The following TENM2 variants were observed in gnomAD, a reference collection of about 807,000 sequenced individuals.
TENM2 encodes teneurin transmembrane protein 2, also known as teneurin-2.
Under a neutral mutation model 245.2 loss-of-function variants are expected in TENM2, and 52 were observed. The observed-to-expected ratio is 0.21, with a 90% CI of 0.17 to 0.27. TENM2 has a LOEUF of 0.27. TENM2 is among the 10% of genes least tolerant of loss of function. The pLI is 1.00. For missense variants in TENM2, 3,046 were observed against 3,666.8 expected (o/e 0.83, Z 4.37); for synonymous variants, 1,363 against 1,438.9 (o/e 0.95, Z 1.19).
At chr5:167,466,219 G>A (rs1254019759) in intron 2 of TENM2, among the ~76,000 whole-genome samples, 2 of 152,174 alleles carry the variant, frequency 1.3e-5, no homozygotes, top group African/African-American at 4.8e-5. Flanking sequence ...TCAATGTCCA[G>A]AGATAGCTGA....
At chr5:167,470,608 T>C (rs892386116) in intron 2 of TENM2, among the ~76,000 whole-genome samples, 4 of 152,114 alleles carry the variant, frequency 2.6e-5, no homozygotes, top group Middle Eastern at 3.4e-3. Flanking sequence ...AATAATATTT[T>C]CTCACTAATC....
chr5:167,950,662 G>A (rs1780013911), intron 3 of TENM2, among the ~76,000 whole-genome samples: 1 of 152,048 alleles, frequency 6.6e-6, no homozygotes, highest in Non-Finnish European at 1.5e-5. Context: ...CATGTGTGAG[G>A]GGCTTGGATA....
intron 2 of TENM2, among the ~76,000 whole-genome samples, chr5:167,600,841 G>A (rs1039248585): frequency 6.6e-6 from 1 of 152,184 alleles, no homozygotes; most frequent in Non-Finnish European, 1.5e-5. Context: ...GTTTTTCCTA[G>A]ACAGATGAGA....
chr5:167,989,863 C>A (rs978099916), intron 4 of TENM2, among the ~76,000 whole-genome samples: 1 of 152,050 alleles, frequency 6.6e-6, no homozygotes, highest in Non-Finnish European at 1.5e-5. Flanking sequence ...GTGACTTGTT[C>A]CAGACAGCTG....
chr5:167,223,146 A>T, the TENM2 span, among the ~76,000 whole-genome samples: 1 of 152,152 alleles, frequency 6.6e-6, no homozygotes, highest in Non-Finnish European at 1.5e-5. Flanking sequence ...AAGAGTGTCC[A>T]TCACCCAAGT....
At chr5:167,998,997 A>C (rs1359384602) in intron 5 of TENM2, among the ~76,000 whole-genome samples, 2 of 152,208 alleles carry the variant, frequency 1.3e-5, no homozygotes, top group African/African-American at 4.8e-5. Flanking sequence ...CTCTGCTGCT[A>C]TTTTGTGTAT....
chr5:167,460,647 AC>A (rs2127492016), intron 2 of TENM2, among the ~76,000 whole-genome samples: 1 of 151,624 alleles, frequency 6.6e-6, no homozygotes, highest in South Asian at 2.1e-4. Flanking sequence ...ACAGACAACC[AC>A]AGTTCATTGG....
At chr5:168,005,370 G>A (rs528220240) in intron 5 of TENM2, among the ~76,000 whole-genome samples, 2 of 152,260 alleles carry the variant, frequency 1.3e-5, no homozygotes, top group South Asian at 4.1e-4. Flanking sequence ...GAGATCACAC[G>A]AAAGCCAAGT....
chr5:167,449,948 A>G (rs1765477205), intron 2 of TENM2, among the ~76,000 whole-genome samples: 1 of 152,168 alleles, frequency 6.6e-6, no homozygotes, highest in African/African-American at 2.4e-5. Context: ...ACCAGGGTGA[A>G]ACTCTGACTC....
chr5:167,080,390 T>C, the TENM2 span, among the ~76,000 whole-genome samples: 405 of 152,298 alleles, frequency 2.7e-3, 1 homozygote, highest in African/African-American at 9.2e-3. Flanking sequence ...GAACCTGTTA[T>C]TATACATTTA....
intron 2 of TENM2, among the ~76,000 whole-genome samples, chr5:167,829,431 A>T (rs888519243): frequency 1.6e-4 from 24 of 152,228 alleles, no homozygotes; most frequent in Admixed American, 1.4e-3. Context: ...CTATGCCCAG[A>T]GAAAAACAAC....
At chr5:167,030,612 C>T in the TENM2 span, among the ~76,000 whole-genome samples, 2 of 152,160 alleles carry the variant, frequency 1.3e-5, no homozygotes, top group Non-Finnish European at 2.9e-5. Flanking sequence ...TGACATCTCT[C>T]CTTCCTTCCC....
At chr5:167,431,970 T>TGTGTATATATATATATATATACAC (rs1554150945) in intron 2 of TENM2, among the ~76,000 whole-genome samples, 6 of 135,536 alleles carry the variant, frequency 4.4e-5, no homozygotes, top group Non-Finnish European at 7.8e-5. Context: ...TGTATATATA[T>TGTGTATATATATATATATATACAC]ATATATATGG....
intron 2 of TENM2, among the ~76,000 whole-genome samples, chr5:167,582,117 G>C (rs891714900): frequency 6.6e-6 from 1 of 152,056 alleles, no homozygotes. Context: ...CCAGGCTAGG[G>C]TTTCTGAATT....
intron 12 of TENM2, among the ~76,000 whole-genome samples, chr5:168,132,765 A>G (rs1754704779): frequency 6.6e-6 from 1 of 152,226 alleles, no homozygotes; most frequent in Non-Finnish European, 1.5e-5. Context: ...GCATTGTCCT[A>G]ATGTATAGTG....
At chr5:167,160,685 CT>C in the TENM2 span, among the ~76,000 whole-genome samples, 1 of 152,336 alleles carries the variant, frequency 6.6e-6, no homozygotes, top group African/African-American at 2.4e-5. Flanking sequence ...TCCACTTATT[CT>C]TTTTCCTCTC....
chr5:167,495,603 A>G (rs1366591893), intron 2 of TENM2, among the ~76,000 whole-genome samples: 1 of 152,066 alleles, frequency 6.6e-6, no homozygotes, highest in Non-Finnish European at 1.5e-5. Context: ...ATTGCTGGCA[A>G]TATACTATAG....
the TENM2 span, among the ~76,000 whole-genome samples, chr5:167,019,807 T>G: frequency 2.2e-4 from 34 of 152,062 alleles, no homozygotes; most frequent in African/African-American, 8.0e-4. Context: ...CTATGAAGAT[T>G]TGGGGGCTCT....
chr5:167,214,675 C>CA, the TENM2 span, among the ~76,000 whole-genome samples: 1 of 152,136 alleles, frequency 6.6e-6, no homozygotes, highest in Admixed American at 6.5e-5. Flanking sequence ...ATTTGATTAG[C>CA]AATGATGGAC....
Sources: allele counts gnomAD v4.1 joint callset (sites outside exome capture counted in the v4.1 genomes callset), GRCh38; gene constraint gnomAD v4.1.1; transcripts MANE v1.5; gene names NCBI Gene and HGNC (gene_info 2026-07-23, HGNC 2026-07-21).